The following SPTSSA variants were observed in gnomAD, a reference collection of about 807,000 sequenced individuals.
SPTSSA encodes the protein small subunit of serine palmitoyltransferase A.
SPTSSA carries 8 observed loss-of-function variants against 9.1 expected under a neutral mutation model. The ratio of observed to expected loss-of-function variants is 0.88; its 90% CI spans 0.51 to 1.58. The LOEUF (loss-of-function observed/expected upper bound fraction) is 1.58. SPTSSA is among the 40% of genes most tolerant of loss of function. The pLI is 0.00. For synonymous variants in SPTSSA, 42 were observed against 37.7 expected, an observed-to-expected ratio of 1.11 and a Z score of -0.41; for missense variants, 100 against 93.8, an observed-to-expected ratio of 1.07 and a Z score of -0.27.
chr14:34,442,953 GGGGTGTGTGTGT>G (rs1258578802), intron 1 of SPTSSA, among the ~76,000 whole-genome samples: 2 of 108,482 alleles, frequency 1.8e-5, no homozygotes, highest in Admixed American at 9.1e-5. Flanking sequence ...CATGTCTAGG[GGGGTGTGTGTGT>G]GTGTGTGTGT....
intron 1 of SPTSSA, among the ~76,000 whole-genome samples, chr14:34,448,624 T>G (rs4982179): frequency 0.13 from 19,366 of 152,230 alleles, 1,441 homozygotes; most frequent in East Asian, 0.28. Flanking sequence ...GCCAAAATTC[T>G]GTAACCGGGC....
At chr14:34,441,715 C>A (rs969777250) in intron 1 of SPTSSA, among the ~76,000 whole-genome samples, 2 of 152,094 alleles carry the variant, frequency 1.3e-5, no homozygotes, top group Non-Finnish European at 2.9e-5. Context: ...ATGTGGGTAG[C>A]ACCTAAACAT....
At chr14:34,442,955 G>GTGTGTGTGT (rs1566422692) in intron 1 of SPTSSA, among the ~76,000 whole-genome samples, 19 of 124,232 alleles carry the variant, frequency 1.5e-4, no homozygotes, top group African/African-American at 5.1e-4. Context: ...TGTCTAGGGG[G>GTGTGTGTGT]GTGTGTGTGT....
intron 1 of SPTSSA, among the ~76,000 whole-genome samples, chr14:34,446,462 T>C (rs1883424152): frequency 6.6e-6 from 1 of 152,220 alleles, no homozygotes; most frequent in Non-Finnish European, 1.5e-5. Flanking sequence ...TACTTTTATT[T>C]ATGAAGGGGT....
chr14:34,449,042 A>G (rs1883473326), intron 1 of SPTSSA, among the ~76,000 whole-genome samples: 2 of 152,092 alleles, frequency 1.3e-5, no homozygotes, highest in Non-Finnish European at 2.9e-5. Flanking sequence ...TTAGCTATAC[A>G]GGGACACAGT....
intron 1 of SPTSSA, among the ~76,000 whole-genome samples, chr14:34,444,665 T>C (rs1051533454): frequency 6.6e-6 from 1 of 150,402 alleles, no homozygotes; most frequent in Non-Finnish European, 1.5e-5. Context: ...GGCAGGAAAA[T>C]CGTTTGAACC....
chr14:34,452,240 A>C (rs1883541334), intron 1 of SPTSSA, among the ~76,000 whole-genome samples: 2 of 135,518 alleles, frequency 1.5e-5, no homozygotes, highest in Non-Finnish European at 3.1e-5. Context: ...AGTGAGACTC[A>C]ATCTCAAAAA....
chr14:34,446,743 T>C (rs1430236846), intron 1 of SPTSSA, among the ~76,000 whole-genome samples: 1 of 152,236 alleles, frequency 6.6e-6, no homozygotes, highest in Non-Finnish European at 1.5e-5. Flanking sequence ...CATGATAGGC[T>C]CTCTAGCACA....
intron 1 of SPTSSA, among the ~76,000 whole-genome samples, chr14:34,439,021 A>G (rs919924125): frequency 3.3e-5 from 5 of 152,168 alleles, no homozygotes; most frequent in Admixed American, 3.3e-4. Flanking sequence ...TTCTTGTGCA[A>G]GCTATTTATT....
rs115534286 is a variant in SPTSSA, at chr14:34,445,627, C to T, written c.113-10323G>A. ...CAAAATTGTCTTTCCTAATGCCTGG[C>T]TCTCTGGATGTATCAGAGGGTCCCT... On this transcript the variant is annotated intron_variant, in intron 1 of 1. Transcript: ENST00000298130. Among the ~76,000 whole-genome samples, 589 of 152,276 alleles carry T rather than the reference C, an allele frequency of 3.9e-3. 5 individuals are homozygous for T. The highest frequency in any genetic ancestry group is 0.014 in the African/African-American group (569 of 41,556).
In SPTSSA at chr14:34,442,955, G is replaced by GT. The variant is rs1566422692; in HGVS notation, c.113-7652_113-7651insA. On this transcript the variant is annotated intron_variant, in intron 1 of 1. Transcript: ENST00000298130. ...GTGTGTGTGTATACATGTCTAGGGG[G>GT]GTGTGTGTGTGTGTGTGTGTGTGTG... Among the ~76,000 whole-genome samples, 737 of 124,212 alleles carry GT rather than the reference G, an allele frequency of 5.9e-3. 10 individuals carry two copies. The highest frequency in any genetic ancestry group is 0.014 in the South Asian group (57 of 4,042). The allele number at this position is 124,212 out of a possible 152,430, so 81.5% of individuals were successfully genotyped here.
At chr14:34,438,317 C>T (rs1300821812) in intron 1 of SPTSSA, among the ~76,000 whole-genome samples, 1 of 151,940 alleles carries the variant, frequency 6.6e-6, no homozygotes, top group Non-Finnish European at 1.5e-5. Flanking sequence ...AGAATATTTG[C>T]ATTATACTTA....
chr14:34,443,817 T>C (rs1370532468), intron 1 of SPTSSA, among the ~76,000 whole-genome samples: 3 of 152,164 alleles, frequency 2.0e-5, no homozygotes, highest in Admixed American at 6.6e-5. Flanking sequence ...ATTACAGATA[T>C]GAGCCACTGT....
chr14:34,445,543 C>G (rs192282179), intron 1 of SPTSSA, among the ~76,000 whole-genome samples: 149 of 152,182 alleles, frequency 9.8e-4, no homozygotes, highest in South Asian at 4.1e-3. Context: ...TCTGAGTCAT[C>G]ATTTTGGCAA....
chr14:34,444,117 TAAG>T (rs1159110810), intron 1 of SPTSSA, among the ~76,000 whole-genome samples: 1 of 149,670 alleles, frequency 6.7e-6, no homozygotes, highest in African/African-American at 2.4e-5. Flanking sequence ...TTAATAATAA[TAAG>T]AGCCTAAATC....
chr14:34,447,896 C>T (rs140297936), intron 1 of SPTSSA, among the ~76,000 whole-genome samples: 1 of 152,284 alleles, frequency 6.6e-6, no homozygotes, highest in African/African-American at 2.4e-5. Context: ...CATCAAGCTT[C>T]AGATGATCAT....
intron 1 of SPTSSA, among the ~76,000 whole-genome samples, chr14:34,443,560 G>T: frequency 1.2e-5 from 1 of 80,128 alleles, no homozygotes; most frequent in Admixed American, 1.5e-4. Context: ...TTTTGAGATG[G>T]AGTTTTCCTC....
intron 1 of SPTSSA, among the ~76,000 whole-genome samples, chr14:34,438,527 C>G (rs573990892): frequency 2.6e-5 from 4 of 152,226 alleles, no homozygotes; most frequent in South Asian, 4.1e-4. Flanking sequence ...TACCTACTTA[C>G]GGTACATTTC....
At chr14:34,459,490 A>C (rs1429051038) in intron 1 of SPTSSA, among the ~76,000 whole-genome samples, 1 of 151,208 alleles carries the variant, frequency 6.6e-6, no homozygotes, top group African/African-American at 2.4e-5. Context: ...AAAAGAAGAA[A>C]ATTAATCTGG....
Sources: allele counts gnomAD v4.1 joint callset (sites outside exome capture counted in the v4.1 genomes callset), GRCh38; gene constraint gnomAD v4.1.1; transcripts MANE v1.5; gene names NCBI Gene and HGNC (gene_info 2026-07-23, HGNC 2026-07-21).